Variants in MSRA observed in about 807,000 individuals in gnomAD.
MSRA encodes methionine sulfoxide reductase A, also known as mitochondrial peptide methionine sulfoxide reductase.
Under a neutral mutation model 31.3 loss-of-function variants are expected in MSRA, and 54 were observed. That is an observed-to-expected ratio of 1.73 (90% CI 1.39 to 2.17). The LOEUF (loss-of-function observed/expected upper bound fraction) is 2.17, where lower values mean the gene tolerates loss of function less well. Among genes scored for constraint, MSRA ranks in the 30% most tolerant of loss-of-function variants. The pLI is 0.00. For synonymous variants in MSRA, 169 were observed against 116.5 expected, an observed-to-expected ratio of 1.45 and a Z score of -2.90; for missense variants, 507 against 300.9, an observed-to-expected ratio of 1.69 and a Z score of -5.07.
At chr8:10,236,454 C>T (rs891977707) in intron 2 of MSRA, among the ~76,000 whole-genome samples, 7 of 152,190 alleles carry the variant, frequency 4.6e-5, no homozygotes, top group African/African-American at 1.4e-4. Context: ...TACACCAGCA[C>T]TAAGTAATCA....
chr8:10,152,856 A>T (rs1238911984), intron 1 of MSRA, among the ~76,000 whole-genome samples: 1 of 152,230 alleles, frequency 6.6e-6, no homozygotes, highest in Admixed American at 6.5e-5. Flanking sequence ...CACTTGCTAC[A>T]ACAGGGATGA....
intron 5 of MSRA, among the ~76,000 whole-genome samples, chr8:10,365,340 A>G (rs1271110901): frequency 6.6e-6 from 1 of 152,024 alleles, no homozygotes; most frequent in East Asian, 1.9e-4. Flanking sequence ...AACATACCAT[A>G]CCAGTTGGTT....
intron 3 of MSRA, among the ~76,000 whole-genome samples, chr8:10,290,645 G>T (rs1800184050): frequency 1.3e-5 from 2 of 152,120 alleles, no homozygotes; most frequent in South Asian, 4.1e-4. Context: ...ATGTTTCAGA[G>T]TTCCACAAGG....
At chr8:10,247,456 A>G (rs755464407) in intron 3 of MSRA, among the ~76,000 whole-genome samples, 1 of 151,760 alleles carries the variant, frequency 6.6e-6, no homozygotes, top group Non-Finnish European at 1.5e-5. Context: ...TCCCTCTGGT[A>G]TATTTTTAAT....
At chr8:10,293,065 C>T (rs1029394596) in intron 3 of MSRA, among the ~76,000 whole-genome samples, 1 of 152,164 alleles carries the variant, frequency 6.6e-6, no homozygotes, top group Non-Finnish European at 1.5e-5. Context: ...AGCTCTGAGC[C>T]TTGGCTTTCC....
rs188608541 is a variant in MSRA, at chr8:10,280,901, A to C, written c.332-20633A>C. On this transcript the variant is annotated intron_variant, in intron 3 of 5. Transcript: ENST00000317173. The stretch of plus-strand genomic sequence containing the variant: ...GTGCTACATGAAAGAATCCACTCGC[A>C]AAAAACCATAGAGTGTATGATTCTA... 3.5e-3 allele frequency among the ~76,000 whole-genome samples: 526 copies of C among 152,356 alleles called. 1 individual carries two copies. Among genetic ancestry groups the C allele is most frequent in the Non-Finnish European group, 5.9e-3 (403 of 68,030 alleles).
At chr8:10,064,373 A>G (rs1218407701) in intron 1 of MSRA, among the ~76,000 whole-genome samples, 1 of 151,484 alleles carries the variant, frequency 6.6e-6, no homozygotes, top group Non-Finnish European at 1.5e-5. Context: ...TTTTTTTTTA[A>G]AGGCATGGTT....
chr8:10,202,063 A>T (rs1382794643), intron 1 of MSRA, among the ~76,000 whole-genome samples: 1 of 152,262 alleles, frequency 6.6e-6, no homozygotes, highest in Non-Finnish European at 1.5e-5. Context: ...GGCTCAATTA[A>T]TGAATGGCTT....
At chr8:10,361,782 A>G (rs185587341) in intron 5 of MSRA, among the ~76,000 whole-genome samples, 1 of 152,220 alleles carries the variant, frequency 6.6e-6, no homozygotes. Context: ...CTTAATAAAT[A>G]TATATGACTT....
At chr8:10,188,853 G>A (rs1807280311) in intron 1 of MSRA, among the ~76,000 whole-genome samples, 1 of 152,104 alleles carries the variant, frequency 6.6e-6, no homozygotes, top group African/African-American at 2.4e-5. Context: ...TGCTATTTTA[G>A]GTATTTTAAT....
intron 1 of MSRA, among the ~76,000 whole-genome samples, chr8:10,176,986 T>C (rs1046661455): frequency 2.0e-5 from 3 of 152,350 alleles, no homozygotes; most frequent in Admixed American, 2.0e-4. Context: ...TCACCCAGTT[T>C]CATAAATGAA....
Position 10,245,271 on chromosome 8 carries a change from C to G in MSRA, c.331+48C>G, listed in dbSNP as rs375681213. On this transcript the variant is annotated intron_variant, in intron 3 of 5. Coordinates refer to ENST00000317173, the MANE Select transcript of MSRA (RefSeq NM_012331.5). ...TATTACTAGGAGAAACAAGGGAGGG[C>G]TTGTCACTACTGTTGGGTGACAGGC... The G allele has an allele frequency of 9.3e-5, 145 of 1,563,628 alleles. No homozygotes were observed. In the South Asian group the frequency reaches 1.1e-3, roughly 12 times the overall value.
At chr8:10,418,129 C>G (rs560570224) in intron 5 of MSRA, among the ~76,000 whole-genome samples, 28 of 152,088 alleles carry the variant, frequency 1.8e-4, no homozygotes, top group Non-Finnish European at 3.8e-4. Context: ...AAAAAGTGAT[C>G]ACAAAATGAA....
intron 1 of MSRA, among the ~76,000 whole-genome samples, chr8:10,085,016 C>T (rs778599602): frequency 2.0e-5 from 3 of 151,974 alleles, no homozygotes; most frequent in Non-Finnish European, 4.4e-5. Context: ...TAAAACATAT[C>T]AACTAAATCA....
At chr8:10,203,859 G>C (rs563743574) in intron 1 of MSRA, among the ~76,000 whole-genome samples, 1 of 152,340 alleles carries the variant, frequency 6.6e-6, no homozygotes, top group East Asian at 1.9e-4. Flanking sequence ...AGTGGGACGA[G>C]ATGTGGAGGG....
chr8:10,316,527 C>CCTCTCT (rs139421344), intron 4 of MSRA, among the ~76,000 whole-genome samples: 2,399 of 112,436 alleles, frequency 0.021, 195 homozygotes, highest in Non-Finnish European at 0.029. Flanking sequence ...TTTGATGATC[C>CCTCTCT]CTCTCTCTCT....
intron 3 of MSRA, among the ~76,000 whole-genome samples, chr8:10,293,356 C>T (rs1191294810): frequency 6.6e-6 from 1 of 152,176 alleles, no homozygotes; most frequent in Non-Finnish European, 1.5e-5. Flanking sequence ...GATTCCTGCT[C>T]TTGCTTTGGA....
chr8:10,368,880 T>C (rs1449813166), intron 5 of MSRA, among the ~76,000 whole-genome samples: 1 of 152,110 alleles, frequency 6.6e-6, no homozygotes, highest in Non-Finnish European at 1.5e-5. Flanking sequence ...TTTGCTAATC[T>C]AACAGCCAGA....
intron 1 of MSRA, among the ~76,000 whole-genome samples, chr8:10,056,601 C>A (rs1251973474): frequency 6.6e-6 from 1 of 151,192 alleles, no homozygotes. Flanking sequence ...TAACTTTTTC[C>A]ACAAAAAGTG....
Sources: gnomAD v4.1 joint callset for allele counts (sites outside exome capture counted in the v4.1 genomes callset) on GRCh38, gnomAD v4.1.1 for gene constraint, MANE v1.5 for transcripts, NCBI Gene and HGNC (gene_info 2026-07-23, HGNC 2026-07-21) for gene names.